The following OR2AK2 variants were observed in gnomAD, a reference collection of about 807,000 sequenced individuals.
OR2AK2 encodes olfactory receptor 2AK2.
For synonymous variants in OR2AK2, 139 were observed against 147.2 expected (o/e 0.94, Z 0.40); for missense variants, 392 against 384.1 (o/e 1.02, Z -0.17).
rs2103032274 is a variant in OR2AK2 at position 247,965,353 on chromosome 1, TC to T, written c.-22del. ...TTACATGAACATTTCAGATGTCATC[TC>T]CTTTGATATTTTGGTTTCAGCCATG... On this transcript the variant is annotated 5_prime_UTR_variant, in exon 1 of 1. An upstream open reading frame in the 5' UTR gains an earlier in-frame stop. Coordinates refer to ENST00000366480, the Ensembl canonical transcript of OR2AK2. 1 of 1,590,306 alleles carries T rather than the reference TC, an allele frequency of 6.3e-7. No homozygotes were observed. Among genetic ancestry groups the T allele is most frequent in the East Asian group, 2.3e-5 (1 of 44,328 alleles).
exon 1 of OR2AK2, chr1:247,966,351 C>G (rs1660976310): frequency 6.3e-7 from 1 of 1,594,360 alleles, no homozygotes. Flanking sequence ...TGAGCATTAA[C>G]AACATAAAAA....
At chr1:247,966,068 G>C in exon 1 of OR2AK2, 2 of 1,614,150 alleles carry the variant, frequency 1.2e-6, no homozygotes, top group South Asian at 2.2e-5. Flanking sequence ...ATGAGCTCAG[G>C]AAAAGGACAG....
chr1:247,965,597 T>C (rs1234795687), exon 1 of OR2AK2: 1 of 1,579,982 alleles, frequency 6.3e-7, no homozygotes, highest in Non-Finnish European at 8.6e-7. Context: ...CTCATGTACA[T>C]CTCCACCACA....
At chr1:247,965,945 A>G in exon 1 of OR2AK2, 1 of 1,609,210 alleles carries the variant, frequency 6.2e-7, no homozygotes, top group East Asian at 2.2e-5. Flanking sequence ...TTGGTGTGTC[A>G]GGACACCTCC....
chr1:247,966,126 G>A (rs1416452781), exon 1 of OR2AK2: 3 of 1,614,030 alleles, frequency 1.9e-6, no homozygotes, highest in Non-Finnish European at 2.5e-6. Context: ...TGGCAAGCCT[G>A]TTCTATGCAA....
exon 1 of OR2AK2, chr1:247,965,787 C>T: frequency 6.2e-7 from 1 of 1,600,828 alleles, no homozygotes; most frequent in Non-Finnish European, 8.5e-7. Context: ...TGCTTATGAG[C>T]AAGAAGATCT....
chr1:247,965,703 A>C (rs1660952456), exon 1 of OR2AK2: 1 of 1,555,566 alleles, frequency 6.4e-7, no homozygotes, highest in Non-Finnish European at 8.7e-7. Flanking sequence ...CCCTTGGTGG[A>C]ACTGAAGCCC....
At chr1:247,966,307 T>G (rs761111214) in exon 1 of OR2AK2, 1 of 1,613,258 alleles carries the variant, frequency 6.2e-7, no homozygotes, top group Admixed American at 1.7e-5. Context: ...TTGGATATGC[T>G]GTAGAAAATA....
exon 1 of OR2AK2, chr1:247,966,231 G>A: frequency 2.5e-6 from 4 of 1,613,412 alleles, no homozygotes; most frequent in Non-Finnish European, 3.4e-6. Flanking sequence ...CACCTCTACT[G>A]AACCCATTTA....
Position 247,966,253 on chromosome 1 carries a change from A to G in OR2AK2, c.877A>G (p.Arg293Gly), listed in dbSNP as rs773111054. 2.0e-5 allele frequency: 32 copies of G among 1,612,974 alleles called. No homozygotes were observed. Among genetic ancestry groups the G allele is most frequent in the Non-Finnish European group, 2.6e-5 (31 of 1,179,612 alleles). ...ACTGAACCCATTTATCTACAGCCTG[A>G]GAAATAAGGAAGTGACGGGGGCAGT... Residue 293 changes from arginine (R) to glycine (G), a missense_variant, in exon 1 of 1, where the codon AGA becomes GGA. Arg to Gly is a moderately radical substitution (Grantham distance 125). Coordinates refer to ENST00000366480, the Ensembl canonical transcript of OR2AK2.
At chr1:247,965,957 A>G in exon 1 of OR2AK2, 1 of 1,608,906 alleles carries the variant, frequency 6.2e-7, no homozygotes, top group Non-Finnish European at 8.5e-7. Context: ...GACACCTCCC[A>G]GTATGAGTAT....
exon 1 of OR2AK2, chr1:247,965,666 G>A (rs1477486400): frequency 1.3e-6 from 2 of 1,546,378 alleles, no homozygotes; most frequent in Admixed American, 2.0e-5. Flanking sequence ...TTTTTGGGCT[G>A]TGAGATTCAA....
chr1:247,965,449 T>G, exon 1 of OR2AK2: 1 of 1,613,838 alleles, frequency 6.2e-7, no homozygotes, highest in African/African-American at 1.3e-5. Flanking sequence ...CTGGATAAAC[T>G]CTCTTCTCTT....
exon 1 of OR2AK2, chr1:247,966,192 G>A (rs753055341): frequency 1.2e-6 from 2 of 1,613,884 alleles, no homozygotes; most frequent in African/African-American, 2.7e-5. Context: ...CACGGGATAA[G>A]GCGGTGGCAG....
rs147594575 is a variant in OR2AK2 at position 247,965,415 on chromosome 1, A to G, written c.39A>G (p.Leu13=). 24 of 1,612,476 alleles carry G rather than the reference A, an allele frequency of 1.5e-5. No homozygotes were observed. In the African/African-American group the frequency reaches 3.1e-4, roughly 21 times the overall value. The stretch of plus-strand genomic sequence containing the variant: ...ATCAAAGTTTTGGGACAGATTTTCT[A>G]CTTGTTGGTCTTTTCCAATATGGCT... The change falls in exon 1 of 1, where the codon CTA becomes CTG. Residue 13 remains leucine, a synonymous_variant. Transcript: ENST00000366480.
chr1:247,965,920 C>G, exon 1 of OR2AK2: 1 of 1,611,736 alleles, frequency 6.2e-7, no homozygotes, highest in Non-Finnish European at 8.5e-7. Flanking sequence ...CTGTGAAGTT[C>G]CAGCTCTACT....
At position 247,966,148 on chromosome 1, in the gene OR2AK2, A is replaced by G. The variant is rs1453309957; in HGVS notation, c.772A>G (p.Thr258Ala). ...CCTGTTCTATGCAACCACTCTCTTT[A>G]CCTACACAAGGCCACACTCCTTGCG... Residue 258 changes from threonine (T) to alanine (A), a missense_variant, in exon 1 of 1, where the codon ACC (threonine) becomes GCC (alanine). Transcript: ENST00000366480. 4 of 1,613,952 alleles carry G rather than the reference A, an allele frequency of 2.5e-6. No individual in the cohort carries two copies. The East Asian group carries it at 8.9e-5, about 36-fold the overall frequency.
exon 1 of OR2AK2, chr1:247,965,280 T>C (rs1005234155): frequency 2.2e-6 from 3 of 1,381,178 alleles, no homozygotes; most frequent in Admixed American, 2.7e-5. Context: ...GAATATTTAT[T>C]TCTGAATGCC....
exon 1 of OR2AK2, chr1:247,965,617 A>G (rs749170263): frequency 6.4e-7 from 1 of 1,558,572 alleles, no homozygotes; most frequent in Non-Finnish European, 8.7e-7. Context: ...AGTGCCCAAG[A>G]TGGCAGTCAG....
Sources: allele counts gnomAD v4.1 joint callset, GRCh38; gene constraint gnomAD v4.1.1; transcripts MANE v1.5; gene names NCBI Gene and HGNC (gene_info 2026-07-23, HGNC 2026-07-21).